Variants in KCNQ5 observed in about 807,000 individuals in gnomAD.
KCNQ5 encodes the protein potassium voltage-gated channel subfamily KQT member 5.
In KCNQ5, 30 loss-of-function variants were observed where a neutral mutation model predicts 98.2. The observed-to-expected ratio is 0.31, with a 90% confidence interval of 0.23 to 0.41. The LOEUF is 0.41. Ranked by LOEUF, KCNQ5 falls within the 10% of genes least tolerant of loss-of-function variation. The pLI is 1.00. For missense variants in KCNQ5, 835 were observed against 1,182.5 expected, an observed-to-expected ratio of 0.71 and a Z score of 4.31; for synonymous variants, 458 against 449.4, an observed-to-expected ratio of 1.02 and a Z score of -0.24.
intron 1 of KCNQ5, among the ~76,000 whole-genome samples, chr6:72,890,599 A>G (rs1779020160): frequency 1.3e-5 from 2 of 152,182 alleles, no homozygotes; most frequent in South Asian, 4.1e-4. Flanking sequence ...CACTGGCACC[A>G]TTTGAGAATG....
chr6:72,716,350 C>G (rs901148218), intron 1 of KCNQ5, among the ~76,000 whole-genome samples: 2 of 152,214 alleles, frequency 1.3e-5, no homozygotes, highest in Non-Finnish European at 2.9e-5. Context: ...TGTGGTCATA[C>G]TTTTTATCTG....
intron 3 of KCNQ5, among the ~76,000 whole-genome samples, chr6:73,075,729 A>T (rs1773510343): frequency 6.6e-6 from 1 of 152,060 alleles, no homozygotes; most frequent in Non-Finnish European, 1.5e-5. Context: ...ACAAAAGCAC[A>T]TGCATTTAGA....
intron 11 of KCNQ5, among the ~76,000 whole-genome samples, chr6:73,176,551 G>T (rs1582491034): frequency 6.6e-6 from 1 of 152,194 alleles, no homozygotes; most frequent in East Asian, 1.9e-4. Flanking sequence ...TTGGAAAGAT[G>T]ACTCTGATTG....
At chr6:72,962,182 A>AATATAT (rs369197941) in intron 1 of KCNQ5, among the ~76,000 whole-genome samples, 38 of 129,280 alleles carry the variant, frequency 2.9e-4, no homozygotes, top group East Asian at 6.8e-4. Flanking sequence ...TGTTTCTCTA[A>AATATAT]ATATATATAT....
In KCNQ5 at chr6:72,682,245, A is replaced by G. The variant is rs555198891; in HGVS notation, c.398+59658A>G. Reference sequence around the variant, plus strand: ...AACGCTCTATATTGTTTTTAGGAACAAAATGCTTGCTCTAGTTCTCCACGG... The same window carrying G: ...AACGCTCTATATTGTTTTTAGGAACGAAATGCTTGCTCTAGTTCTCCACGG... On this transcript the variant is annotated intron_variant, in intron 1 of 13. Transcript: ENST00000370398. Among the ~76,000 whole-genome samples, 8 of 152,344 alleles carry G rather than the reference A, an allele frequency of 5.3e-5. No homozygotes were observed. In the South Asian group the frequency reaches 1.2e-3, roughly 24 times the overall value.
intron 1 of KCNQ5, among the ~76,000 whole-genome samples, chr6:72,751,909 A>G (rs1582222380): frequency 6.6e-6 from 1 of 152,164 alleles, no homozygotes; most frequent in South Asian, 2.1e-4. Context: ...AAGATAGGAA[A>G]GTGATGCTCA....
At chr6:72,973,718 C>T (rs1030533800) in intron 1 of KCNQ5, among the ~76,000 whole-genome samples, 1 of 152,188 alleles carries the variant, frequency 6.6e-6, no homozygotes, top group Non-Finnish European at 1.5e-5. Flanking sequence ...AACTGATGCT[C>T]ATTTTATCTA....
intron 1 of KCNQ5, among the ~76,000 whole-genome samples, chr6:72,719,437 A>G (rs1196453961): frequency 1.3e-5 from 2 of 152,174 alleles, no homozygotes; most frequent in Non-Finnish European, 2.9e-5. Flanking sequence ...AAAATTAAAA[A>G]CCAAAGTTCA....
intron 9 of KCNQ5, among the ~76,000 whole-genome samples, chr6:73,129,526 T>C (rs1776133281): frequency 1.3e-5 from 2 of 152,248 alleles, no homozygotes; most frequent in African/African-American, 4.8e-5. Flanking sequence ...TTCTAAAGTA[T>C]TTATTCTTAC....
At chr6:72,981,207 T>G (rs1198794209) in intron 1 of KCNQ5, among the ~76,000 whole-genome samples, 1 of 152,218 alleles carries the variant, frequency 6.6e-6, no homozygotes, top group African/African-American at 2.4e-5. Flanking sequence ...CTTTTTCTAT[T>G]GATTGGAATA....
intron 8 of KCNQ5, among the ~76,000 whole-genome samples, chr6:73,123,189 G>A (rs1231990039): frequency 6.6e-6 from 1 of 151,520 alleles, no homozygotes; most frequent in Non-Finnish European, 1.5e-5. Flanking sequence ...TGTTGGGATA[G>A]ACAATATAAA....
rs112674134 is a variant in KCNQ5 at position 72,829,027 on chromosome 6, G to T, written c.399-174881G>T. On this transcript the variant is annotated intron_variant, in intron 1 of 13. Coordinates refer to ENST00000370398, the MANE Select transcript of KCNQ5 (RefSeq NM_019842.4). ...ATATAGATATATTTATATTTATATA[G>T]ACCTAAATACATCTGCATAGATATA... Among the ~76,000 whole-genome samples the T allele has an allele frequency of 6.2e-3, 934 of 151,854 alleles. 8 individuals are homozygous for T. The highest frequency in any genetic ancestry group is 0.021 in the African/African-American group (887 of 41,416).
At chr6:72,911,244 T>C (rs1418399310) in intron 1 of KCNQ5, among the ~76,000 whole-genome samples, 1 of 152,146 alleles carries the variant, frequency 6.6e-6, no homozygotes, top group Non-Finnish European at 1.5e-5. Context: ...CCCAATGTGA[T>C]GGTATTAAGA....
chr6:73,130,986 T>A (rs569691917), intron 9 of KCNQ5, among the ~76,000 whole-genome samples: 3 of 152,146 alleles, frequency 2.0e-5, no homozygotes, highest in East Asian at 3.8e-4. Flanking sequence ...TTAGCAAATA[T>A]CCATGTAGTT....
chr6:73,085,597 G>T (rs1263740671), intron 5 of KCNQ5, among the ~76,000 whole-genome samples: 1 of 152,194 alleles, frequency 6.6e-6, no homozygotes, highest in South Asian at 2.1e-4. Context: ...TAGGGAGAAA[G>T]TGGGCAGGGT....
intron 1 of KCNQ5, among the ~76,000 whole-genome samples, chr6:72,714,350 A>G (rs1769530882): frequency 6.6e-6 from 1 of 152,100 alleles, no homozygotes; most frequent in Non-Finnish European, 1.5e-5. Context: ...CTTTATTTGT[A>G]AAGTTCTTGT....
chr6:72,963,449 T>C (rs987314626), intron 1 of KCNQ5, among the ~76,000 whole-genome samples: 10 of 152,218 alleles, frequency 6.6e-5, no homozygotes, highest in Admixed American at 3.9e-4. Flanking sequence ...TTTTAATTTA[T>C]GACTATTTTA....
chr6:72,752,657 G>C (rs1771741349), intron 1 of KCNQ5, among the ~76,000 whole-genome samples: 2 of 152,196 alleles, frequency 1.3e-5, no homozygotes, highest in South Asian at 4.2e-4. Flanking sequence ...ACAGTCTCCT[G>C]AATTGCCTAA....
chr6:73,011,302 A>T (rs1462297335), intron 2 of KCNQ5, among the ~76,000 whole-genome samples: 1 of 152,136 alleles, frequency 6.6e-6, no homozygotes, highest in Non-Finnish European at 1.5e-5. Context: ...ACCAACATTT[A>T]GACCCATGGA....
Sources: allele counts gnomAD v4.1 joint callset (sites outside exome capture counted in the v4.1 genomes callset), GRCh38; gene constraint gnomAD v4.1.1; transcripts MANE v1.5; gene names NCBI Gene and HGNC (gene_info 2026-07-23, HGNC 2026-07-21).